TEAD1: variants seen among roughly 807,000 people sequenced by gnomAD.
TEAD1 encodes TEA domain transcription factor 1, also known as transcriptional enhancer factor TEF-1.
Under a neutral mutation model 54.9 loss-of-function variants are expected in TEAD1, and 9 were observed. The ratio of observed to expected loss-of-function variants is 0.16; its 90% CI spans 0.10 to 0.29. The LOEUF is 0.29. TEAD1 is among the 10% of genes least tolerant of loss of function. The pLI is 1.00. For missense variants in TEAD1, 387 were observed against 535.9 expected (o/e 0.72, Z 2.74); for synonymous variants, 200 against 187.8 (o/e 1.07, Z -0.53).
chr11:12,837,828 GT>G (rs1946938173), intron 3 of TEAD1, among the ~76,000 whole-genome samples: 1 of 111,796 alleles, frequency 8.9e-6, no homozygotes, highest in African/African-American at 4.0e-5. Context: ...TTGAGACTGA[GT>G]TTTGCCCTTG....
At chr11:12,927,794 T>TA (rs1948929849) in intron 11 of TEAD1, among the ~76,000 whole-genome samples, 1 of 152,112 alleles carries the variant, frequency 6.6e-6, no homozygotes, top group Admixed American at 6.5e-5. Context: ...TTCCTGTTTC[T>TA]AGATTCGAAT....
At chr11:12,829,518 T>C (rs1293234813) in intron 3 of TEAD1, among the ~76,000 whole-genome samples, 2 of 152,242 alleles carry the variant, frequency 1.3e-5, no homozygotes, top group African/African-American at 4.8e-5. Context: ...AAATCCAAAC[T>C]GAAGGAAAGG....
At chr11:12,756,938 G>A (rs1302081035) in intron 2 of TEAD1, among the ~76,000 whole-genome samples, 2 of 152,168 alleles carry the variant, frequency 1.3e-5, no homozygotes, top group Admixed American at 6.5e-5. Context: ...TGGAAGTAAA[G>A]CACCTTTTTT....
In TEAD1 at chr11:12,764,197, G is replaced by A. The variant is rs375374250; in HGVS notation, c.-36G>A. On this transcript the variant is annotated 5_prime_UTR_variant, in exon 3 of 13. Transcript: ENST00000527636. ...CTTCTAGGTTTATTTTCTTGAAAAG[G>A]CTCCAGGCTTCGGCTTGGAAAATCC... 4 of 1,604,654 alleles carry A rather than the reference G, an allele frequency of 2.5e-6. No homozygotes were observed. Among genetic ancestry groups the A allele is most frequent in the African/African-American group, 1.3e-5 (1 of 74,444 alleles).
chr11:12,867,798 CCAAAAG>C (rs1947653373), intron 5 of TEAD1, among the ~76,000 whole-genome samples: 1 of 152,052 alleles, frequency 6.6e-6, no homozygotes, highest in Non-Finnish European at 1.5e-5. Flanking sequence ...TGAGGTCATC[CCAAAAG>C]ACAACAAGGA....
In TEAD1 at chr11:12,938,835, G is replaced by A. The variant is rs1949133304; in HGVS notation, c.*1613G>A. ...CAGCTTCCCAAAGAAATATGTTTTT[G>A]TAAGTGGTAGGAACATGTGCACACA... On this transcript the variant is annotated 3_prime_UTR_variant, in exon 13 of 13. Transcript: ENST00000527636. The A allele has an allele frequency of 6.6e-6, 1 of 152,238 alleles. No homozygotes were observed. The highest frequency in any genetic ancestry group is 1.9e-4 in the East Asian group (1 of 5,202). 9.4% of individuals were successfully genotyped at this position (152,238 alleles called of 1,614,324 possible). A position where few individuals can be genotyped will look rare whatever the true frequency, so the allele number is the denominator to read the frequency against.
At chr11:12,887,013 TACAA>T (rs1948099268) in intron 9 of TEAD1, among the ~76,000 whole-genome samples, 1 of 152,132 alleles carries the variant, frequency 6.6e-6, no homozygotes, top group Non-Finnish European at 1.5e-5. Flanking sequence ...ATTCCTATGT[TACAA>T]ACACTCATTC....
At chr11:12,922,192 CTTTTT>C (rs756723520) in intron 10 of TEAD1, among the ~76,000 whole-genome samples, 1 of 94,518 alleles carries the variant, frequency 1.1e-5, no homozygotes, top group Non-Finnish European at 2.1e-5. Context: ...ACATGGTTCT[CTTTTT>C]TTTTTTTTTT....
chr11:12,727,394 T>C (rs930740864), intron 2 of TEAD1, among the ~76,000 whole-genome samples: 1 of 152,148 alleles, frequency 6.6e-6, no homozygotes, highest in African/African-American at 2.4e-5. Context: ...TCGGGTCCTG[T>C]GGGCCCTGGG....
At chr11:12,741,850 G>T (rs1590104691) in intron 2 of TEAD1, among the ~76,000 whole-genome samples, 1 of 152,220 alleles carries the variant, frequency 6.6e-6, no homozygotes, top group African/African-American at 2.4e-5. Flanking sequence ...TGGGATCACA[G>T]TGGCCAGAGT....
At chr11:12,800,352 C>G (rs1946028304) in intron 3 of TEAD1, among the ~76,000 whole-genome samples, 1 of 152,196 alleles carries the variant, frequency 6.6e-6, no homozygotes, top group Non-Finnish European at 1.5e-5. Context: ...CAGTTTAGTT[C>G]AGTGTAGCAA....
chr11:12,891,641 T>C (rs1330038737), intron 9 of TEAD1, among the ~76,000 whole-genome samples: 1 of 152,212 alleles, frequency 6.6e-6, no homozygotes, highest in African/African-American at 2.4e-5. Flanking sequence ...AAAATAAGCT[T>C]GTTGAAATAC....
chr11:12,832,541 G>A (rs933443190), intron 3 of TEAD1, among the ~76,000 whole-genome samples: 13 of 152,114 alleles, frequency 8.5e-5, no homozygotes, highest in Non-Finnish European at 1.3e-4. Flanking sequence ...TAACTATACT[G>A]TTGTCACAGC....
chr11:12,862,498 A>G (rs537046047), intron 4 of TEAD1, among the ~76,000 whole-genome samples, 184 bp downstream of exon 4: 2 of 152,262 alleles, frequency 1.3e-5, no homozygotes, highest in East Asian at 3.9e-4. Context: ...GTGACCCTTT[A>G]TTATGTGGTC....
chr11:12,913,124 G>A (rs1368378651), intron 10 of TEAD1, among the ~76,000 whole-genome samples: 2 of 152,118 alleles, frequency 1.3e-5, no homozygotes, highest in Non-Finnish European at 2.9e-5. Flanking sequence ...AGTTTTGCAA[G>A]GCGTAGTTGG....
At chr11:12,779,089 A>C (rs1014852215) in intron 3 of TEAD1, among the ~76,000 whole-genome samples, 5 of 151,990 alleles carry the variant, frequency 3.3e-5, no homozygotes, top group Admixed American at 6.6e-5. Flanking sequence ...AGCTTATTTG[A>C]GATGTTTCTA....
intron 3 of TEAD1, among the ~76,000 whole-genome samples, chr11:12,849,680 G>T (rs531033260): frequency 1.3e-5 from 2 of 152,260 alleles, no homozygotes; most frequent in African/African-American, 2.4e-5. Context: ...CTAAATACTG[G>T]ACGTCCAGTG....
At chr11:12,761,550 A>G (rs758846194) in intron 2 of TEAD1, among the ~76,000 whole-genome samples, 1 of 152,214 alleles carries the variant, frequency 6.6e-6, no homozygotes, top group African/African-American at 2.4e-5. Context: ...ATTCAGGGAC[A>G]ACCTCTGAGG....
chr11:12,780,735 G>T (rs1945524668), intron 3 of TEAD1, among the ~76,000 whole-genome samples: 1 of 152,208 alleles, frequency 6.6e-6, no homozygotes, highest in African/African-American at 2.4e-5. Context: ...GACATTCTGT[G>T]TTCATGGGTT....
Sources: gnomAD v4.1 joint callset for allele counts (sites outside exome capture counted in the v4.1 genomes callset) on GRCh38, gnomAD v4.1.1 for gene constraint, MANE v1.5 for transcripts, NCBI Gene and HGNC (gene_info 2026-07-23, HGNC 2026-07-21) for gene names.